Variants in FRMD6 observed in about 807,000 individuals in gnomAD.
FRMD6 encodes FERM domain containing 6.
FRMD6 carries 37 observed loss-of-function variants against 73.2 expected under a neutral mutation model. That is an observed-to-expected ratio of 0.51 (90% CI 0.39 to 0.66). The LOEUF (loss-of-function observed/expected upper bound fraction) is 0.66. FRMD6 is among the 30% of genes least tolerant of loss of function. The pLI, the probability that FRMD6 is intolerant of heterozygous loss-of-function variation, is 0.00. For missense variants in FRMD6, 714 were observed against 780.5 expected, an observed-to-expected ratio of 0.91 and a Z score of 1.02; for synonymous variants, 273 against 282.2, an observed-to-expected ratio of 0.97 and a Z score of 0.33.
chr14:51,618,595 A>C (rs1312843549), intron 2 of FRMD6, among the ~76,000 whole-genome samples: 1 of 152,140 alleles, frequency 6.6e-6, no homozygotes, highest in Non-Finnish European at 1.5e-5. Context: ...TTTTGAAGTG[A>C]AATAACAGGA....
intron 1 of FRMD6, among the ~76,000 whole-genome samples, chr14:51,661,575 C>A (rs1893222034): frequency 6.6e-6 from 1 of 152,060 alleles, no homozygotes; most frequent in Non-Finnish European, 1.5e-5. Context: ...AAGGAGCAAG[C>A]AGAGGATAGG....
At chr14:51,598,532 A>G (rs1430114499) in intron 2 of FRMD6, among the ~76,000 whole-genome samples, 1 of 152,182 alleles carries the variant, frequency 6.6e-6, no homozygotes, top group Non-Finnish European at 1.5e-5. Flanking sequence ...ACAGTACCCA[A>G]TAGGTAGTTT....
intron 2 of FRMD6, among the ~76,000 whole-genome samples, chr14:51,588,360 G>A (rs540774449): frequency 6.6e-6 from 1 of 151,684 alleles, no homozygotes; most frequent in South Asian, 2.1e-4. Flanking sequence ...GTGCCATCTT[G>A]GTGTGCTGCA....
intron 3 of FRMD6, among the ~76,000 whole-genome samples, chr14:51,699,598 A>C (rs895444667): frequency 6.6e-6 from 1 of 152,052 alleles, no homozygotes; most frequent in Non-Finnish European, 1.5e-5. Flanking sequence ...CCTAACTAGC[A>C]CTTGACTTCT....
At chr14:51,633,190 T>C (rs1286768145) in intron 2 of FRMD6, among the ~76,000 whole-genome samples, 1 of 152,208 alleles carries the variant, frequency 6.6e-6, no homozygotes. Flanking sequence ...TGAAAAGTTT[T>C]TTAAATACAG....
the FRMD6 span, among the ~76,000 whole-genome samples, chr14:51,481,787 A>T: frequency 3.9e-5 from 6 of 152,236 alleles, no homozygotes; most frequent in African/African-American, 1.4e-4. Flanking sequence ...ATTGGAAAGC[A>T]TGAGAGTGCT....
chr14:51,504,994 T>C (rs1052794309), intron 1 of FRMD6, among the ~76,000 whole-genome samples: 7 of 152,174 alleles, frequency 4.6e-5, no homozygotes, highest in Admixed American at 1.3e-4. Context: ...ATCTGGCCCT[T>C]GGGAAAGACC....
At chr14:51,613,344 A>T (rs1315244955) in intron 2 of FRMD6, among the ~76,000 whole-genome samples, 1 of 152,106 alleles carries the variant, frequency 6.6e-6, no homozygotes, top group Non-Finnish European at 1.5e-5. Context: ...GAATAAGGAG[A>T]GGAGGAATTC....
chr14:51,497,436 T>C (rs1883370491), intron 1 of FRMD6, among the ~76,000 whole-genome samples: 1 of 152,128 alleles, frequency 6.6e-6, no homozygotes, highest in African/African-American at 2.4e-5. Context: ...TTCCCTCTAT[T>C]AGACAAAATC....
At chr14:51,456,188 A>G in the FRMD6 span, among the ~76,000 whole-genome samples, 1 of 152,070 alleles carries the variant, frequency 6.6e-6, no homozygotes, top group Non-Finnish European at 1.5e-5. Flanking sequence ...TCTGGGATAC[A>G]TTCTGCAGAA....
chr14:51,504,921 G>A (rs1034505855), intron 1 of FRMD6, among the ~76,000 whole-genome samples: 1 of 152,192 alleles, frequency 6.6e-6, no homozygotes, highest in Non-Finnish European at 1.5e-5. Context: ...TAGCAGAGAA[G>A]CCAGCCAGCC....
At chr14:51,511,716 C>T (rs551920572) in intron 1 of FRMD6, among the ~76,000 whole-genome samples, 15 of 152,056 alleles carry the variant, frequency 9.9e-5, no homozygotes, top group African/African-American at 3.1e-4. Flanking sequence ...TATCACACAC[C>T]GGGGCCAGTT....
intron 1 of FRMD6, among the ~76,000 whole-genome samples, chr14:51,567,948 C>T (rs937323655): frequency 6.6e-6 from 1 of 152,188 alleles, no homozygotes; most frequent in Non-Finnish European, 1.5e-5. Flanking sequence ...TTTGCTGACA[C>T]ACAAATACGT....
chr14:51,439,583 A>G, the FRMD6 span, among the ~76,000 whole-genome samples: 18 of 152,206 alleles, frequency 1.2e-4, no homozygotes, highest in Non-Finnish European at 2.2e-4. Context: ...GCAGGTCCAC[A>G]GTAAGTGACC....
intron 2 of FRMD6, among the ~76,000 whole-genome samples, chr14:51,600,234 G>T (rs964888735): frequency 2.0e-5 from 3 of 152,092 alleles, no homozygotes; most frequent in African/African-American, 7.2e-5. Flanking sequence ...CAGAAATACG[G>T]TCGATAGCAA....
intron 2 of FRMD6, among the ~76,000 whole-genome samples, chr14:51,694,608 T>G (rs76879772): frequency 6.6e-6 from 1 of 152,250 alleles, no homozygotes; most frequent in African/African-American, 2.4e-5. Context: ...CAGGATTGCT[T>G]TAGCCTGAGA....
intron 2 of FRMD6, among the ~76,000 whole-genome samples, chr14:51,644,353 T>TCTCACA (rs869203213): frequency 7.0e-6 from 1 of 142,072 alleles, no homozygotes; most frequent in Non-Finnish European, 1.5e-5. Context: ...GCCTCACCCT[T>TCTCACA]CACACACACA....
At chr14:51,700,899 C>A (rs1303241664) in intron 3 of FRMD6, among the ~76,000 whole-genome samples, 157 bp from the exon 4 acceptor site, 1 of 151,914 alleles carries the variant, frequency 6.6e-6, no homozygotes, top group Non-Finnish European at 1.5e-5. Flanking sequence ...GTTCACAGAA[C>A]CTTTTGTCTT....
chr14:51,628,834 C>T lies in FRMD6; in HGVS notation c.-147+58424C>T, dbSNP rs74943303. Among the ~76,000 whole-genome samples, 613 of 138,890 alleles carry T rather than the reference C, an allele frequency of 4.4e-3. 8 individuals are homozygous for T. The highest frequency in any genetic ancestry group is 0.016 in the African/African-American group (587 of 37,732). 91.1% of individuals were successfully genotyped at this position (138,890 alleles called of 152,430 possible). A position where few individuals can be genotyped will look rare whatever the true frequency, so the allele number is the denominator to read the frequency against. On this transcript the variant is annotated intron_variant, in intron 2 of 14. Transcript: ENST00000356218. ...AAAAAAAAAAAAAAAAGGCAACATA[C>T]ACATACACTATGCCTTTTGCATCTA...
Sources: gnomAD v4.1 joint callset for allele counts (sites outside exome capture counted in the v4.1 genomes callset) on GRCh38, gnomAD v4.1.1 for gene constraint, MANE v1.5 for transcripts, NCBI Gene and HGNC (gene_info 2026-07-23, HGNC 2026-07-21) for gene names.